Variants in CSMD1 observed in about 807,000 individuals in gnomAD.
CSMD1 encodes CUB and Sushi multiple domains 1, also known as CUB and sushi domain-containing protein 1.
CSMD1 carries 213 observed loss-of-function variants against 417.5 expected under a neutral mutation model. The observed-to-expected ratio is 0.51, with a 90% CI of 0.46 to 0.57. The LOEUF (loss-of-function observed/expected upper bound fraction) is 0.57, where lower values mean the gene tolerates loss of function less well. Ranked by LOEUF, CSMD1 falls within the 20% of genes least tolerant of loss-of-function variation. The pLI, the probability that CSMD1 is intolerant of heterozygous loss-of-function variation, is 0.00. For synonymous variants in CSMD1, 2,862 were observed against 1,736.8 expected (o/e 1.65, Z -16.11); for missense variants, 6,923 against 4,529.7 (o/e 1.53, Z -15.17).
intron 27 of CSMD1, among the ~76,000 whole-genome samples, chr8:3,227,598 A>G (rs948273526): frequency 2.0e-5 from 3 of 152,144 alleles, no homozygotes; most frequent in Admixed American, 6.5e-5. Context: ...ATTCAAACAA[A>G]TAGATACTAG....
At chr8:4,518,696 C>A (rs902371006) in intron 2 of CSMD1, among the ~76,000 whole-genome samples, 4 of 151,462 alleles carry the variant, frequency 2.6e-5, no homozygotes, top group Non-Finnish European at 4.4e-5. Context: ...AGCACACCAA[C>A]GTGGCACATG....
intron 1 of CSMD1, among the ~76,000 whole-genome samples, chr8:4,990,216 A>G (rs1400083952): frequency 2.6e-5 from 4 of 152,224 alleles, no homozygotes; most frequent in African/African-American, 7.2e-5. Flanking sequence ...GCGACTAACT[A>G]CATGAGTGCT....
intron 6 of CSMD1, among the ~76,000 whole-genome samples, chr8:3,712,048 T>C (rs942783595): frequency 6.6e-6 from 1 of 152,244 alleles, no homozygotes; most frequent in African/African-American, 2.4e-5. Flanking sequence ...TGATGCTCTG[T>C]AAAGCTACGT....
chr8:2,999,231 T>G (rs757253050), intron 53 of CSMD1, among the ~76,000 whole-genome samples: 4 of 149,264 alleles, frequency 2.7e-5, no homozygotes, highest in Admixed American at 6.8e-5. Context: ...CTCTGCTCAC[T>G]GCAACCTCCA....
chr8:4,500,101 A>G (rs1376992730), intron 2 of CSMD1, among the ~76,000 whole-genome samples: 2 of 148,430 alleles, frequency 1.3e-5, no homozygotes, highest in Non-Finnish European at 3.0e-5. Context: ...GTGAAAAGGT[A>G]TAAAGAGGCT....
chr8:4,231,497 A>G (rs1585064424), intron 3 of CSMD1, among the ~76,000 whole-genome samples: 1 of 144,268 alleles, frequency 6.9e-6, no homozygotes, highest in South Asian at 2.3e-4. Flanking sequence ...CACGCCCTTC[A>G]ATTAGGAGAC....
intron 23 of CSMD1, among the ~76,000 whole-genome samples, chr8:3,317,442 G>C (rs920029830): frequency 6.6e-6 from 1 of 152,102 alleles, no homozygotes; most frequent in Non-Finnish European, 1.5e-5. Flanking sequence ...CACAAGTGTG[G>C]ACTTGTATTC....
chr8:4,254,355 G>A (rs540974263), intron 3 of CSMD1, among the ~76,000 whole-genome samples: 36 of 152,234 alleles, frequency 2.4e-4, no homozygotes, highest in Non-Finnish European at 5.0e-4. Context: ...CTTGTATAGG[G>A]AAGTACAGTA....
chr8:4,954,719 G>A (rs1223424381), intron 1 of CSMD1, among the ~76,000 whole-genome samples: 1 of 152,082 alleles, frequency 6.6e-6, no homozygotes, highest in Non-Finnish European at 1.5e-5. Flanking sequence ...AAGCACCATG[G>A]AAATATGCAG....
intron 2 of CSMD1, among the ~76,000 whole-genome samples, chr8:4,522,909 C>G (rs1163381061): frequency 1.3e-5 from 2 of 152,140 alleles, no homozygotes; most frequent in Admixed American, 6.5e-5. Flanking sequence ...AAGGATCCTA[C>G]AAATAAGGAC....
chr8:4,496,287 T>G (rs190209104), intron 2 of CSMD1, among the ~76,000 whole-genome samples: 1 of 152,154 alleles, frequency 6.6e-6, no homozygotes, highest in African/African-American at 2.4e-5. Flanking sequence ...ATAAGGTGGA[T>G]TGAAGTGTGA....
intron 4 of CSMD1, among the ~76,000 whole-genome samples, chr8:4,011,870 A>G (rs886887449): frequency 6.6e-6 from 1 of 152,160 alleles, no homozygotes; most frequent in Non-Finnish European, 1.5e-5. Flanking sequence ...AGGATCCACA[A>G]TGCTCAAGTC....
At chr8:3,180,463 GC>G (rs1563116842) in intron 37 of CSMD1, among the ~76,000 whole-genome samples, 1 of 152,120 alleles carries the variant, frequency 6.6e-6, no homozygotes, top group African/African-American at 2.4e-5. Flanking sequence ...TCTGGGGAAT[GC>G]TAATATGAGT....
At chr8:4,924,742 A>AC (rs1364601560) in intron 1 of CSMD1, among the ~76,000 whole-genome samples, 3 of 151,536 alleles carry the variant, frequency 2.0e-5, no homozygotes, top group African/African-American at 4.8e-5. Context: ...AAAAAAAAAA[A>AC]AAACCTACAA....
At chr8:3,539,595 G>A (rs1325428025) in intron 10 of CSMD1, among the ~76,000 whole-genome samples, 4 of 152,000 alleles carry the variant, frequency 2.6e-5, no homozygotes, top group Non-Finnish European at 2.9e-5. Flanking sequence ...GAATTGAAGC[G>A]AAACACAGCT....
intron 3 of CSMD1, among the ~76,000 whole-genome samples, chr8:4,325,974 T>G (rs1799535906): frequency 6.6e-6 from 1 of 152,100 alleles, no homozygotes; most frequent in Non-Finnish European, 1.5e-5. Flanking sequence ...AGTAGCACAA[T>G]TTCCTTCACC....
At chr8:3,872,849 A>C (rs1805570081) in intron 5 of CSMD1, among the ~76,000 whole-genome samples, 1 of 151,890 alleles carries the variant, frequency 6.6e-6, no homozygotes, top group South Asian at 2.1e-4. Context: ...CAAAAAAAAA[A>C]AAGAAAGAAA....
intron 2 of CSMD1, among the ~76,000 whole-genome samples, chr8:4,523,280 T>C (rs567172420): frequency 6.6e-6 from 1 of 152,306 alleles, no homozygotes; most frequent in South Asian, 2.1e-4. Flanking sequence ...TTGCCATACC[T>C]GGTTTTTACG....
rs117148766 is a variant in CSMD1 at position 3,652,478 on chromosome 8, T to A, written c.1010-35681A>T. On this transcript the variant is annotated intron_variant, in intron 7 of 69. Coordinates refer to ENST00000635120, the MANE Select transcript of CSMD1 (RefSeq NM_033225.6). ...CTCTTGCTGCTAATAAAGACATACC[T>A]GAGACTGGGTATTTTATAAAGGAAG... Among the ~76,000 whole-genome samples, 1,457 of 152,314 alleles carry A rather than the reference T, an allele frequency of 9.6e-3. 9 individuals carry two copies. The highest frequency in any genetic ancestry group is 0.016 in the Non-Finnish European group (1,106 of 68,030).
Sources: gnomAD v4.1 joint callset for allele counts (sites outside exome capture counted in the v4.1 genomes callset) on GRCh38, gnomAD v4.1.1 for gene constraint, MANE v1.5 for transcripts, NCBI Gene and HGNC (gene_info 2026-07-23, HGNC 2026-07-21) for gene names.